KHDRBS2: variants seen among roughly 807,000 people sequenced by gnomAD.
KHDRBS2 encodes KH RNA binding domain containing, signal transduction associated 2.
In KHDRBS2, 26 loss-of-function variants were observed where a neutral mutation model predicts 44.3. That is an observed-to-expected ratio of 0.59 (90% CI 0.43 to 0.81). The LOEUF (loss-of-function observed/expected upper bound fraction) is 0.81. Ranked by LOEUF, KHDRBS2 falls within the 40% of genes least tolerant of loss-of-function variation. The probability of loss-of-function intolerance (pLI) is 0.00; values close to 1 mark genes in which losing one functional copy is unlikely to be tolerated. For synonymous variants in KHDRBS2, 194 were observed against 151.1 expected (o/e 1.28, Z -2.08); for missense variants, 476 against 433.1 (o/e 1.10, Z -0.88).
chr6:61,923,366 A>G (rs1401510216), intron 4 of KHDRBS2, among the ~76,000 whole-genome samples: 1 of 152,122 alleles, frequency 6.6e-6, no homozygotes, highest in Non-Finnish European at 1.5e-5. Context: ...AATAAATTCA[A>G]CAATTTAAAG....
chr6:61,607,531 A>AAAAAAAAAAAAAAAAAAT, the KHDRBS2 span, among the ~76,000 whole-genome samples: 1 of 146,004 alleles, frequency 6.8e-6, no homozygotes, highest in Non-Finnish European at 1.5e-5. Flanking sequence ...AAAAAAAAAA[A>AAAAAAAAAAAAAAAAAAT]AAAAAAAAAA....
intron 2 of KHDRBS2, among the ~76,000 whole-genome samples, chr6:62,122,835 C>G (rs1808005697): frequency 6.7e-6 from 1 of 148,506 alleles, no homozygotes; most frequent in African/African-American, 2.5e-5. Flanking sequence ...TTGGAATAAA[C>G]TGTAATTTTC....
chr6:61,551,178 C>T, the KHDRBS2 span, among the ~76,000 whole-genome samples: 5 of 152,042 alleles, frequency 3.3e-5, no homozygotes, highest in Admixed American at 6.6e-5. Flanking sequence ...TTTTGAAAAG[C>T]GTCTGTTGTC....
At chr6:61,565,963 G>T in the KHDRBS2 span, among the ~76,000 whole-genome samples, 1 of 151,440 alleles carries the variant, frequency 6.6e-6, no homozygotes, top group Non-Finnish European at 1.5e-5. Flanking sequence ...AAATAAATCT[G>T]TGTCCATCAA....
chr6:62,272,469 T>C (rs539704583), intron 1 of KHDRBS2, among the ~76,000 whole-genome samples: 1 of 152,284 alleles, frequency 6.6e-6, no homozygotes, highest in Non-Finnish European at 1.5e-5. Context: ...TACTATATCC[T>C]CAGTAAGAGA....
chr6:62,235,677 G>C (rs1378032160), intron 1 of KHDRBS2, among the ~76,000 whole-genome samples: 2 of 151,952 alleles, frequency 1.3e-5, no homozygotes, highest in Admixed American at 6.6e-5. Context: ...GATGAAAATA[G>C]AAAAACATTC....
At chr6:62,156,412 T>C (rs1385114069) in intron 2 of KHDRBS2, among the ~76,000 whole-genome samples, 4 of 152,160 alleles carry the variant, frequency 2.6e-5, no homozygotes, top group African/African-American at 7.2e-5. Flanking sequence ...TAGACTTAGA[T>C]TGAACTAAAA....
At chr6:61,791,338 A>T in intron 6 of KHDRBS2, among the ~76,000 whole-genome samples, 1 of 151,208 alleles carries the variant, frequency 6.6e-6, no homozygotes, top group East Asian at 1.9e-4. Context: ...TTGGCTCCTT[A>T]AATTTTAGCC....
intron 7 of KHDRBS2, among the ~76,000 whole-genome samples, chr6:61,716,293 A>T (rs1771413549): frequency 6.6e-6 from 1 of 151,882 alleles, no homozygotes; most frequent in African/African-American, 2.4e-5. Context: ...TCCCCAGGTG[A>T]TTTCACATCC....
intron 6 of KHDRBS2, among the ~76,000 whole-genome samples, chr6:61,893,897 A>G (rs966106879): frequency 2.9e-4 from 43 of 149,382 alleles, no homozygotes; most frequent in Admixed American, 5.3e-4. Flanking sequence ...TTAAAGTATA[A>G]TAATAAAAAA....
At chr6:61,778,556 T>C (rs1156831745) in intron 6 of KHDRBS2, among the ~76,000 whole-genome samples, 1 of 152,074 alleles carries the variant, frequency 6.6e-6, no homozygotes, top group Admixed American at 6.6e-5. Context: ...AAGAAAAAGA[T>C]AAAAAGACAA....
intron 2 of KHDRBS2, among the ~76,000 whole-genome samples, chr6:62,057,524 A>G (rs561767058): frequency 6.6e-6 from 1 of 152,062 alleles, no homozygotes; most frequent in African/African-American, 2.4e-5. Flanking sequence ...AAACCAATTG[A>G]CATAATCATG....
intron 2 of KHDRBS2, among the ~76,000 whole-genome samples, chr6:62,126,278 A>G (rs1808953943): frequency 2.0e-5 from 3 of 152,070 alleles, no homozygotes; most frequent in Admixed American, 6.5e-5. Flanking sequence ...AAAAGGAGGG[A>G]AATGTGGGCA....
intron 2 of KHDRBS2, among the ~76,000 whole-genome samples, chr6:62,163,750 G>T (rs1312445501): frequency 6.6e-6 from 1 of 151,814 alleles, no homozygotes; most frequent in Non-Finnish European, 1.5e-5. Flanking sequence ...ATATATTGGG[G>T]GGCTTTAGGA....
At chr6:62,082,310 G>GGTGTGTGT (rs142069290) in intron 2 of KHDRBS2, among the ~76,000 whole-genome samples, 19,272 of 148,956 alleles carry the variant, frequency 0.13, 1,852 homozygotes, top group African/African-American at 0.26. Flanking sequence ...AATACACACT[G>GGTGTGTGT]GTGTGTGTGT....
intron 4 of KHDRBS2, among the ~76,000 whole-genome samples, chr6:61,977,723 A>T (rs1725561196): frequency 6.6e-6 from 1 of 152,124 alleles, no homozygotes; most frequent in African/African-American, 2.4e-5. Flanking sequence ...GTAAATTGCA[A>T]ACGATAAACT....
intron 1 of KHDRBS2, among the ~76,000 whole-genome samples, chr6:62,262,415 A>T (rs1838500117): frequency 6.6e-6 from 1 of 151,746 alleles, no homozygotes; most frequent in African/African-American, 2.4e-5. Flanking sequence ...ATTACATTGA[A>T]ACCCATCTGT....
chr6:61,963,999 T>C (rs933027853), intron 4 of KHDRBS2, among the ~76,000 whole-genome samples: 11 of 151,978 alleles, frequency 7.2e-5, no homozygotes, highest in African/African-American at 2.7e-4. Flanking sequence ...GAATGACCAG[T>C]TTTAATTCTG....
chr6:61,570,922 T>C, the KHDRBS2 span, among the ~76,000 whole-genome samples: 1 of 152,080 alleles, frequency 6.6e-6, no homozygotes, highest in East Asian at 1.9e-4. Context: ...AGGAGTTCTA[T>C]ATCTTGATAC....
Sources: gnomAD v4.1 joint callset for allele counts (sites outside exome capture counted in the v4.1 genomes callset) on GRCh38, gnomAD v4.1.1 for gene constraint, MANE v1.5 for transcripts, NCBI Gene and HGNC (gene_info 2026-07-23, HGNC 2026-07-21) for gene names.